The following NUDT3 variants were observed in gnomAD, a reference collection of about 807,000 sequenced individuals.
The protein encoded by NUDT3 is diphosphoinositol polyphosphate phosphohydrolase 1.
NUDT3 carries 9 observed loss-of-function variants against 23.6 expected under a neutral mutation model. That is an observed-to-expected ratio of 0.38 (90% confidence interval 0.23 to 0.66). NUDT3 has a LOEUF of 0.66. NUDT3 is among the 30% of genes least tolerant of loss of function. NUDT3 has a pLI of 0.52. For missense variants in NUDT3, 172 were observed against 218.5 expected (o/e 0.79, Z 1.34); for synonymous variants, 86 against 82.6 (o/e 1.04, Z -0.22).
rs988094079 is a variant in NUDT3, at chr6:34,288,208, TAAAC to T, written c.*541_*544del. ...AAAAGAGAAAAAAACCTTGAAAAATTAAACAAATTTCTCTTTCTAGAAGTCATTT... is the reference window on the plus strand; with the variant it reads ...AAAAGAGAAAAAAACCTTGAAAAATTAAATTTCTCTTTCTAGAAGTCATTT... On this transcript the variant is annotated 3_prime_UTR_variant, in exon 5 of 5. Transcript: ENST00000607016. The T allele has an allele frequency of 6.6e-6, 1 of 152,194 alleles. No homozygotes were observed. Among genetic ancestry groups the T allele is most frequent in the Non-Finnish European group, 1.5e-5 (1 of 68,044 alleles). 9.4% of individuals were successfully genotyped at this position (152,194 alleles called of 1,614,324 possible).
chr6:34,384,446 T>G (rs1765072521), intron 1 of NUDT3, among the ~76,000 whole-genome samples: 1 of 152,204 alleles, frequency 6.6e-6, no homozygotes, highest in African/African-American at 2.4e-5. Context: ...AGCTTTAACT[T>G]TCCTAGGCAC....
chr6:34,319,596 C>T (rs1763909831), intron 2 of NUDT3, among the ~76,000 whole-genome samples: 1 of 152,142 alleles, frequency 6.6e-6, no homozygotes, highest in African/African-American at 2.4e-5. Context: ...TCCTCTTAGG[C>T]CTTTTATGGA....
Position 34,392,580 on chromosome 6 carries a change from T to C in NUDT3, c.-218A>G, listed in dbSNP as rs2113777188. The C allele has an allele frequency of 1.2e-5, 4 of 335,116 alleles. No homozygotes were observed. In the Admixed American group the frequency reaches 1.5e-4, roughly 13 times the overall value. 20.8% of individuals were successfully genotyped at this position (335,116 alleles called of 1,614,324 possible). On this transcript the variant is annotated 5_prime_UTR_variant, in exon 1 of 5. Transcript: ENST00000607016. ...CGCTGCCACCGTCACGGCTGCCGTC[T>C]CCGCTGCCGCCAGGGCCGCCGCCCC... is the stretch of plus-strand genomic sequence containing the variant.
chr6:34,365,149 G>T lies in NUDT3; in HGVS notation c.100-23177C>A, dbSNP rs1482853805. On this transcript the variant is annotated intron_variant, in intron 1 of 4. Transcript: ENST00000607016. ...ACAGACAAGTTTTTAAAATAAATCG[G>T]CCAGGCAAGGTGGCTCACACCTGTA... is the stretch of plus-strand genomic sequence containing the variant. Among the ~76,000 whole-genome samples, 4 of 152,170 alleles carry T rather than the reference G, an allele frequency of 2.6e-5. No individual in the cohort carries two copies. The East Asian group carries it at 7.7e-4, about 29-fold the overall frequency.
chr6:34,324,795 G>C (rs995247048), intron 2 of NUDT3, among the ~76,000 whole-genome samples: 1 of 152,154 alleles, frequency 6.6e-6, no homozygotes, highest in Admixed American at 6.5e-5. Flanking sequence ...AGTAATCAAG[G>C]TAATAACCCA....
chr6:34,309,013 A>AGACACAC (rs1485390695), intron 2 of NUDT3, among the ~76,000 whole-genome samples: 2 of 152,204 alleles, frequency 1.3e-5, no homozygotes, highest in East Asian at 3.8e-4. Flanking sequence ...CTGAACTACA[A>AGACACAC]GACACACCTT....
Position 34,281,067 on chromosome 6 carries a change from G to A in NUDT3, c.*7686C>T, listed in dbSNP as rs1453770700. Reference sequence around the variant, plus strand: ...TATGGATGGCACACCTGGAAAAGGGGAGAAAGCACACTAGTTCATCTCTTT... The same window carrying A: ...TATGGATGGCACACCTGGAAAAGGGAAGAAAGCACACTAGTTCATCTCTTT... On this transcript the variant is annotated 3_prime_UTR_variant, in exon 5 of 5. Coordinates refer to ENST00000607016, the MANE Select transcript of NUDT3 (RefSeq NM_006703.4). 1.3e-5 allele frequency: 2 copies of A among 152,240 alleles called. No homozygotes were observed. The highest frequency in any genetic ancestry group is 2.9e-5 in the Non-Finnish European group (2 of 68,054). The allele number at this position is 152,240 out of a possible 1,614,324, so 9.4% of individuals were successfully genotyped here. A position where few individuals can be genotyped will look rare whatever the true frequency, so the allele number is the denominator to read the frequency against.
At chr6:34,321,776 C>T (rs1323574038) in intron 2 of NUDT3, among the ~76,000 whole-genome samples, 1 of 152,048 alleles carries the variant, frequency 6.6e-6, no homozygotes, top group Non-Finnish European at 1.5e-5. Flanking sequence ...ACACAGCATA[C>T]CTATGTGCAA....
chr6:34,303,036 C>A (rs966161034), intron 2 of NUDT3, among the ~76,000 whole-genome samples: 2 of 152,012 alleles, frequency 1.3e-5, no homozygotes, highest in Admixed American at 6.6e-5. Context: ...ATTTTTGTAC[C>A]TTTATCCATC....
chr6:34,347,463 G>A (rs1311797850), intron 1 of NUDT3, among the ~76,000 whole-genome samples: 1 of 152,144 alleles, frequency 6.6e-6, no homozygotes, highest in African/African-American at 2.4e-5. Context: ...ATAGACTCTT[G>A]GATTCATGAT....
chr6:34,297,730 A>T (rs531045950), intron 2 of NUDT3, among the ~76,000 whole-genome samples: 1,107 of 71,788 alleles, frequency 0.015, 13 homozygotes, highest in African/African-American at 0.051. Flanking sequence ...AAAAAAAAAA[A>T]ATATATATAT....
chr6:34,391,815 G>A (rs936093676), intron 1 of NUDT3, among the ~76,000 whole-genome samples: 9 of 139,698 alleles, frequency 6.4e-5, no homozygotes, highest in African/African-American at 2.1e-4. Flanking sequence ...ACCTGCCAAT[G>A]AAGTGCACTA....
Position 34,280,712 on chromosome 6 carries a change from G to A in NUDT3, c.*8041C>T, listed in dbSNP as rs372010999. On this transcript the variant is annotated 3_prime_UTR_variant, in exon 5 of 5. Coordinates refer to ENST00000607016, the MANE Select transcript of NUDT3 (RefSeq NM_006703.4). Reference sequence around the variant, plus strand: ...AGATTAGGTGACCTAATGATGAGAAGGCTAACTTATTTGCTTTCCTGGGTG... The same window carrying A: ...AGATTAGGTGACCTAATGATGAGAAAGCTAACTTATTTGCTTTCCTGGGTG... 6.6e-6 allele frequency: 1 copy of A among 152,208 alleles called. No individual in the cohort carries two copies. Among genetic ancestry groups the A allele is most frequent in the Admixed American group, 6.5e-5 (1 of 15,278 alleles). The allele number at this position is 152,208 out of a possible 1,614,324, so 9.4% of individuals were successfully genotyped here.
chr6:34,308,708 T>C (rs969626782), intron 2 of NUDT3, among the ~76,000 whole-genome samples: 63 of 152,174 alleles, frequency 4.1e-4, no homozygotes, highest in African/African-American at 1.4e-3. Context: ...AGAGAAACAT[T>C]ACACAATGAT....
chr6:34,366,680 C>T (rs1273828724), intron 1 of NUDT3, among the ~76,000 whole-genome samples: 1 of 151,902 alleles, frequency 6.6e-6, no homozygotes, highest in Admixed American at 6.6e-5. Flanking sequence ...CCTTCAGCCT[C>T]CCAAGCAGCT....
At position 34,291,588 on chromosome 6, in the gene NUDT3, C is replaced by G. The variant is rs941844959; in HGVS notation, c.340+1863G>C. On this transcript the variant is annotated intron_variant, in intron 4 of 4. Coordinates refer to ENST00000607016, the MANE Select transcript of NUDT3 (RefSeq NM_006703.4). ...TGTATTCTTGGCTCACTGCAACCTC[C>G]ACCTCCTAGGTTCAAGTTATTCTCC... 2.5e-4 allele frequency among the ~76,000 whole-genome samples: 38 copies of G among 152,024 alleles called. 1 individual carries two copies. Among genetic ancestry groups the G allele is most frequent in the Admixed American group, 2.5e-3 (38 of 15,266 alleles).
rs140038994 is a variant in NUDT3, at chr6:34,373,416, G to T, written c.99+18848C>A. On this transcript the variant is annotated intron_variant, in intron 1 of 4. Transcript: ENST00000607016. ...CATACGTTTTGGGGGGAAACTAGAG[G>T]CTGAACGGTATCTATCCTCATAAAT... is the stretch of plus-strand genomic sequence containing the variant. Among the ~76,000 whole-genome samples the T allele has an allele frequency of 6.5e-5, 8 of 123,844 alleles. No homozygotes were observed. The East Asian group carries it at 1.9e-3, about 29-fold the overall frequency. 81.2% of individuals were successfully genotyped at this position (123,844 alleles called of 152,430 possible).
chr6:34,373,054 C>T (rs558065291), intron 1 of NUDT3, among the ~76,000 whole-genome samples: 110 of 151,850 alleles, frequency 7.2e-4, no homozygotes, highest in Middle Eastern at 6.8e-3. Flanking sequence ...CCGAGGCGGG[C>T]GAATCACAAG....
At chr6:34,345,509 A>G (rs569434146) in intron 1 of NUDT3, among the ~76,000 whole-genome samples, 1 of 151,276 alleles carries the variant, frequency 6.6e-6, no homozygotes, top group African/African-American at 2.4e-5. Context: ...TAAAAATACA[A>G]AAAATGAACC....
Sources: allele counts gnomAD v4.1 joint callset (sites outside exome capture counted in the v4.1 genomes callset), GRCh38; gene constraint gnomAD v4.1.1; transcripts MANE v1.5; gene names NCBI Gene and HGNC (gene_info 2026-07-23, HGNC 2026-07-21).